The following POGK variants were observed in gnomAD, a reference collection of about 807,000 sequenced individuals.
The protein encoded by POGK is pogo transposable element derived with KRAB domain, also known as pogo transposable element with KRAB domain.
Under a neutral mutation model 54.4 loss-of-function variants are expected in POGK, and 16 were observed. The observed-to-expected ratio is 0.29, with a 90% confidence interval of 0.20 to 0.45. The LOEUF (loss-of-function observed/expected upper bound fraction) is 0.45. Among genes scored for constraint, POGK ranks in the 20% least tolerant of loss-of-function variants. POGK has a pLI of 1.00. For missense variants in POGK, 515 were observed against 795.6 expected (o/e 0.65, Z 4.24); for synonymous variants, 271 against 302.2 (o/e 0.90, Z 1.07).
chr1:166,844,252 C>A (rs183840933), intron 2 of POGK, among the ~76,000 whole-genome samples: 8 of 152,164 alleles, frequency 5.3e-5, no homozygotes, highest in South Asian at 4.1e-4. Context: ...TGTTACCCCC[C>A]CTAAGAGTAT....
intron 4 of POGK, among the ~76,000 whole-genome samples, chr1:166,848,164 A>G (rs1017522730): frequency 2.6e-5 from 4 of 152,360 alleles, no homozygotes; most frequent in South Asian, 2.1e-4. Flanking sequence ...TTAAAATGCC[A>G]TATTTCACTG....
intron 2 of POGK, 40 bp downstream of exon 2, chr1:166,841,128 C>T: frequency 6.2e-7 from 1 of 1,606,480 alleles, no homozygotes; most frequent in Non-Finnish European, 8.5e-7. Flanking sequence ...CCAGCAGATG[C>T]AGGCCTGAGA....
intron 5 of POGK, 57 bp from the exon 6 acceptor site, chr1:166,852,528 T>C (rs1416428522): frequency 1.3e-5 from 2 of 151,944 alleles, no homozygotes; most frequent in African/African-American, 4.8e-5. Context: ...TTATGTTTGT[T>C]AAAAGTTATA....
chr1:166,846,482 T>C, intron 2 of POGK, 130 bp from the exon 3 acceptor site: 1 of 1,211,278 alleles, frequency 8.3e-7, no homozygotes, highest in Non-Finnish European at 1.2e-6. Context: ...CGTTTTCCCC[T>C]GGGTCAGGGT....
chr1:166,849,558 G>C lies in POGK; in HGVS notation c.979G>C (p.Val327Leu). 1 of 1,614,290 alleles carries C rather than the reference G, an allele frequency of 6.2e-7. No individual in the cohort carries two copies. Among genetic ancestry groups the C allele is most frequent in the Non-Finnish European group, 8.5e-7 (1 of 1,180,054 alleles). ...CCTGTCTCTGAGGCATAAAGTGCCC[G>C]TGCCCCAGCACCTGCCGGAAGACCT... The part of the protein sequence containing the change: ...YDLSLRHKVP[V>L]PQHLPEDLTE... Residue 327 changes from valine (V) to leucine (L), a missense_variant, in exon 5 of 6, where the codon GTG becomes CTG. Physicochemically the swap from Val to Leu is conservative, Grantham distance 32. Around this residue, in one of 2 missense-constraint regions of POGK, gnomAD observed 461 missense variants for 743.5 expected, o/e 0.62. Coordinates refer to ENST00000367876, the MANE Select transcript of POGK (RefSeq NM_017542.5).
chr1:166,841,066 G>A lies in POGK; in HGVS notation c.110G>A (p.Arg37Gln), dbSNP rs1657486208. The A allele has an allele frequency of 1.2e-6, 2 of 1,613,976 alleles. No individual in the cohort carries two copies. Among genetic ancestry groups the A allele is most frequent in the Non-Finnish European group, 1.7e-6 (2 of 1,179,978 alleles). The change falls in exon 2 of 6, where the codon CGA becomes CAA. Residue 37 changes from arginine (R) to glutamine (Q), a missense_variant. Physicochemically the swap from Arg to Gln is conservative, Grantham distance 43 (BLOSUM62 1). Around this residue, in one of 2 missense-constraint regions of POGK, gnomAD observed 54 missense variants for 52.0 expected, o/e 1.04. Coordinates refer to ENST00000367876, the MANE Select transcript of POGK (RefSeq NM_017542.5). ...GGCCCGGCAGACATGCAGAAAGTAC[G>A]AATCTGCTCTGAGGGCGGATGGGTA... ...EDGPADMQKV[R>Q]ICSEGGWVPA...
intron 1 of POGK, 75 bp from the exon 2 acceptor site, chr1:166,840,880 T>C: frequency 6.3e-7 from 1 of 1,577,062 alleles, no homozygotes; most frequent in South Asian, 1.2e-5. Flanking sequence ...TGTATGTGGC[T>C]CAGCCTCCCC....
At chr1:166,850,534 A>G in intron 5 of POGK, 111 bp downstream of exon 5, 3 of 1,266,154 alleles carry the variant, frequency 2.4e-6, no homozygotes, top group Non-Finnish European at 3.2e-6. Flanking sequence ...CCTACAGTGC[A>G]GTAGTGTAGA....
At chr1:166,845,181 C>T (rs1449132753) in intron 2 of POGK, among the ~76,000 whole-genome samples, 1 of 151,860 alleles carries the variant, frequency 6.6e-6, no homozygotes, top group African/African-American at 2.4e-5. Context: ...GGAAATGAGA[C>T]CTCTCCAAGC....
chr1:166,847,067 C>G (rs1053671663), intron 3 of POGK, among the ~76,000 whole-genome samples: 13 of 152,204 alleles, frequency 8.5e-5, no homozygotes, highest in Non-Finnish European at 1.0e-4. Context: ...GTTAATGTTA[C>G]CCTGTCAGCC....
chr1:166,841,524 G>A (rs1379500545), intron 2 of POGK, among the ~76,000 whole-genome samples: 1 of 152,240 alleles, frequency 6.6e-6, no homozygotes, highest in Non-Finnish European at 1.5e-5. Context: ...AGTTGACACA[G>A]GAGAGCTGCC....
chr1:166,845,025 C>T (rs1205631782), intron 2 of POGK, among the ~76,000 whole-genome samples: 1 of 152,128 alleles, frequency 6.6e-6, no homozygotes, highest in Non-Finnish European at 1.5e-5. Flanking sequence ...CTGCACACAG[C>T]TGAGTACAAG....
chr1:166,840,135 T>G (rs1657427995), intron 1 of POGK: 1 of 152,302 alleles, frequency 6.6e-6, no homozygotes, highest in Non-Finnish European at 1.5e-5. Flanking sequence ...GATCTTTTCT[T>G]TGGAGGTTCC....
At chr1:166,843,627 C>T (rs1571220982) in intron 2 of POGK, among the ~76,000 whole-genome samples, 1 of 152,322 alleles carries the variant, frequency 6.6e-6, no homozygotes, top group East Asian at 1.9e-4. Context: ...ATAGCAGGCA[C>T]TCCATCAGTG....
intron 2 of POGK, among the ~76,000 whole-genome samples, chr1:166,844,756 G>C (rs908241082): frequency 2.6e-5 from 4 of 152,200 alleles, no homozygotes; most frequent in Admixed American, 2.6e-4. Flanking sequence ...TCAGATTCTA[G>C]TGGAGGGAGC....
intron 2 of POGK, among the ~76,000 whole-genome samples, chr1:166,842,873 AAG>A (rs989085816): frequency 1.3e-5 from 2 of 152,064 alleles, no homozygotes; most frequent in Non-Finnish European, 2.9e-5. Flanking sequence ...ACACACAACA[AAG>A]AGGTAACTGG....
intron 2 of POGK, among the ~76,000 whole-genome samples, chr1:166,845,896 A>G (rs897028631): frequency 6.6e-6 from 1 of 152,188 alleles, no homozygotes. Context: ...CTTTCTGCCT[A>G]CCTGGTCCAG....
At chr1:166,850,514 TC>T (rs1250614502) in intron 5 of POGK, 91 bp downstream of exon 5, 19 of 1,394,932 alleles carry the variant, frequency 1.4e-5, no homozygotes, top group Non-Finnish European at 1.8e-5. Context: ...GTTTTTAAGT[TC>T]CCTTAGAGCC....
At chr1:166,842,460 A>G (rs1373114627) in intron 2 of POGK, among the ~76,000 whole-genome samples, 1 of 152,240 alleles carries the variant, frequency 6.6e-6, no homozygotes, top group Admixed American at 6.5e-5. Context: ...TCCTGATGGA[A>G]TTTCCAGTCT....
Sources: allele counts gnomAD v4.1 joint callset (sites outside exome capture counted in the v4.1 genomes callset), GRCh38; gene constraint gnomAD v4.1.1; regional missense constraint gnomAD v4.1.1; transcripts MANE v1.5; gene names NCBI Gene and HGNC (gene_info 2026-07-23, HGNC 2026-07-21).